The following MBOAT2 variants were observed in gnomAD, a reference collection of about 807,000 sequenced individuals.
The protein encoded by MBOAT2 is membrane bound glycerophospholipid O-acyltransferase 2, also known as membrane-bound glycerophospholipid O-acyltransferase 2.
In MBOAT2, 28 loss-of-function variants were observed where a neutral mutation model predicts 63.4. The ratio of observed to expected loss-of-function variants is 0.44; its 90% CI spans 0.33 to 0.61. The LOEUF is 0.61. Among genes scored for constraint, MBOAT2 ranks in the 20% least tolerant of loss-of-function variants. The probability of loss-of-function intolerance (pLI) is 0.03; values close to 1 mark genes in which losing one functional copy is unlikely to be tolerated. For synonymous variants in MBOAT2, 211 were observed against 215.6 expected (o/e 0.98, Z 0.19); for missense variants, 470 against 605.8 (o/e 0.78, Z 2.35).
At chr2:8,983,879 A>C (rs1250374852) in intron 1 of MBOAT2, among the ~76,000 whole-genome samples, 1 of 152,206 alleles carries the variant, frequency 6.6e-6, no homozygotes, top group Admixed American at 6.5e-5. Context: ...TTTTAAAATA[A>C]AGAAAAATTA....
intron 3 of MBOAT2, among the ~76,000 whole-genome samples, chr2:8,931,955 T>C (rs941108034): frequency 2.6e-5 from 4 of 152,172 alleles, no homozygotes; most frequent in African/African-American, 9.6e-5. Context: ...TGTCTGTTTT[T>C]GTACCTGTAC....
chr2:8,864,638 G>A (rs929061842), intron 9 of MBOAT2, among the ~76,000 whole-genome samples: 15 of 151,736 alleles, frequency 9.9e-5, no homozygotes, highest in African/African-American at 2.9e-4. Context: ...GACATCCACC[G>A]CGACATCCTG....
At chr2:8,878,870 A>C (rs1418000716) in intron 6 of MBOAT2, among the ~76,000 whole-genome samples, 2 of 151,910 alleles carry the variant, frequency 1.3e-5, no homozygotes, top group African/African-American at 4.8e-5. Context: ...AGGTCAGGAG[A>C]TCGAGACCAT....
At chr2:8,992,952 G>A (rs1558692550) in intron 1 of MBOAT2, among the ~76,000 whole-genome samples, 1 of 152,178 alleles carries the variant, frequency 6.6e-6, no homozygotes, top group Non-Finnish European at 1.5e-5. Context: ...AGGCTTCCCT[G>A]GACTGGATGG....
chr2:8,986,641 T>G (rs540229310), intron 1 of MBOAT2, among the ~76,000 whole-genome samples: 1 of 152,208 alleles, frequency 6.6e-6, no homozygotes, highest in East Asian at 1.9e-4. Context: ...AATGTCTGTT[T>G]CCCCCCAAAA....
At chr2:8,912,000 C>G (rs1322647327) in intron 3 of MBOAT2, among the ~76,000 whole-genome samples, 1 of 151,992 alleles carries the variant, frequency 6.6e-6, no homozygotes, top group Non-Finnish European at 1.5e-5. Context: ...CACATGATAT[C>G]TCAACAGATG....
rs2103220301 is a variant in MBOAT2, at chr2:8,936,871, A to G, written c.299+6316T>C. The stretch of plus-strand genomic sequence containing the variant: ...AAGAAAATTACTTGCCAAGTTATAA[A>G]GAAAATTTTCAGCTTAACTTCTCAA... On this transcript the variant is annotated intron_variant, in intron 3 of 12. Coordinates refer to ENST00000305997, the MANE Select transcript of MBOAT2 (RefSeq NM_138799.4). Among the ~76,000 whole-genome samples, 4 of 152,318 alleles carry G rather than the reference A, an allele frequency of 2.6e-5. No individual in the cohort carries two copies. The Middle Eastern group carries it at 0.014, about 522-fold the overall frequency.
intron 3 of MBOAT2, among the ~76,000 whole-genome samples, chr2:8,934,040 A>C (rs1180365508): frequency 6.6e-6 from 1 of 152,218 alleles, no homozygotes; most frequent in Non-Finnish European, 1.5e-5. Flanking sequence ...TCCTGAGTGC[A>C]GGATTTGATG....
At chr2:8,923,220 G>C (rs11692050) in intron 3 of MBOAT2, among the ~76,000 whole-genome samples, 11 of 152,298 alleles carry the variant, frequency 7.2e-5, no homozygotes, top group African/African-American at 2.6e-4. Flanking sequence ...CCATTGCTTA[G>C]CTTGCTTTTC....
At chr2:8,874,216 C>T (rs182033981) in intron 7 of MBOAT2, among the ~76,000 whole-genome samples, 3 of 152,314 alleles carry the variant, frequency 2.0e-5, no homozygotes, top group East Asian at 1.9e-4. Flanking sequence ...GGATGCACTG[C>T]ACTTCTGAGA....
At chr2:8,985,259 G>T (rs902414839) in intron 1 of MBOAT2, among the ~76,000 whole-genome samples, 4 of 152,050 alleles carry the variant, frequency 2.6e-5, no homozygotes, top group African/African-American at 9.7e-5. Flanking sequence ...TTTTCACAAT[G>T]CTTTCAGGGG....
At chr2:8,883,094 C>T (rs983213196) in intron 5 of MBOAT2, among the ~76,000 whole-genome samples, 1 of 151,964 alleles carries the variant, frequency 6.6e-6, no homozygotes, top group South Asian at 2.1e-4. Flanking sequence ...TTTACTAGAT[C>T]CATATGCTTT....
At chr2:8,912,762 T>C (rs1665886043) in intron 3 of MBOAT2, among the ~76,000 whole-genome samples, 1 of 152,128 alleles carries the variant, frequency 6.6e-6, no homozygotes, top group Non-Finnish European at 1.5e-5. Flanking sequence ...GAAATGACCA[T>C]ACTCCAAAAG....
intron 1 of MBOAT2, among the ~76,000 whole-genome samples, chr2:8,971,817 G>A (rs1198798959): frequency 2.6e-5 from 4 of 152,186 alleles, no homozygotes; most frequent in African/African-American, 7.2e-5. Flanking sequence ...CAAGGGATGT[G>A]AAGGACCTCT....
At chr2:8,869,550 A>G (rs914277071) in intron 8 of MBOAT2, among the ~76,000 whole-genome samples, 33 of 152,238 alleles carry the variant, frequency 2.2e-4, no homozygotes, top group Non-Finnish European at 4.6e-4. Context: ...ACCTATACAG[A>G]CATGTATCCT....
intron 3 of MBOAT2, among the ~76,000 whole-genome samples, chr2:8,916,423 CT>C (rs1405809987): frequency 2.0e-5 from 3 of 152,194 alleles, no homozygotes; most frequent in African/African-American, 4.8e-5. Flanking sequence ...TGTTGAATTG[CT>C]GCCTCATTTC....
chr2:8,984,053 A>G (rs193143558), intron 1 of MBOAT2, among the ~76,000 whole-genome samples: 10 of 152,348 alleles, frequency 6.6e-5, no homozygotes, highest in Non-Finnish European at 1.0e-4. Context: ...TAGCTTTTAC[A>G]AGGAAAGAAA....
chr2:8,982,931 T>C (rs967070890), intron 1 of MBOAT2, among the ~76,000 whole-genome samples: 2 of 152,196 alleles, frequency 1.3e-5, no homozygotes, highest in African/African-American at 2.4e-5. Flanking sequence ...CCATAGCGGA[T>C]CTGATTTTCA....
intron 4 of MBOAT2, among the ~76,000 whole-genome samples, chr2:8,898,358 T>G (rs1395024688): frequency 6.6e-6 from 1 of 152,178 alleles, no homozygotes; most frequent in Non-Finnish European, 1.5e-5. Context: ...AAGCCAGTGA[T>G]TCCAAAGAAC....
Sources: allele counts gnomAD v4.1 joint callset (sites outside exome capture counted in the v4.1 genomes callset), GRCh38; gene constraint gnomAD v4.1.1; transcripts MANE v1.5; gene names NCBI Gene and HGNC (gene_info 2026-07-23, HGNC 2026-07-21).